Variants in SORL1 observed in about 807,000 individuals in gnomAD.
SORL1 encodes sortilin-related receptor.
Under a neutral mutation model 273.7 loss-of-function variants are expected in SORL1, and 127 were observed. The observed-to-expected ratio is 0.46, with a 90% CI of 0.40 to 0.54. The LOEUF (loss-of-function observed/expected upper bound fraction) is 0.54, where lower values mean the gene tolerates loss of function less well. SORL1 is among the 20% of genes least tolerant of loss of function. The pLI is 0.00. For synonymous variants in SORL1, 1,031 were observed against 1,067.4 expected (o/e 0.97, Z 0.66); for missense variants, 2,494 against 2,846.1 (o/e 0.88, Z 2.81).
chr11:121,522,720 G>A lies in SORL1; in HGVS notation c.1522+17G>A, dbSNP rs1862059134. 3.8e-6 allele frequency: 6 copies of A among 1,589,652 alleles called. No homozygotes were observed. In the East Asian group the frequency reaches 8.9e-5, roughly 24 times the overall value. ...TCGCCACTGGTAAGTGTGCTTGCCT[G>A]TTCTCAAAAGGGGTTCAGCTGTCTG... On this transcript the variant is annotated intron_variant, in intron 10 of 47. Transcript: ENST00000260197.
At chr11:121,537,484 G>A (rs1285612364) in intron 12 of SORL1, among the ~76,000 whole-genome samples, 1 of 152,166 alleles carries the variant, frequency 6.6e-6, no homozygotes, top group Non-Finnish European at 1.5e-5. Flanking sequence ...AGAGGTAAAG[G>A]AGTAGGCTTG....
At position 121,463,258 on chromosome 11, in the gene SORL1, TCA is replaced by T. The variant is rs1491245407; in HGVS notation, c.286-6748_286-6747del. Among the ~76,000 whole-genome samples the T allele has an allele frequency of 1.2e-4, 14 of 116,252 alleles. No individual in the cohort carries two copies. In the Middle Eastern group the frequency reaches 0.016, roughly 129 times the overall value. 76.3% of individuals were successfully genotyped at this position (116,252 alleles called of 152,430 possible). ...ATTCTTTCTGGCTTTGATATTTTCC[TCA>T]TTTTTTTTTTGCCAACTGGTAAATT... On this transcript the variant is annotated intron_variant, in intron 1 of 47. Transcript: ENST00000260197.
intron 25 of SORL1, among the ~76,000 whole-genome samples, chr11:121,582,784 G>A (rs1321673674): frequency 2.0e-5 from 3 of 152,178 alleles, no homozygotes; most frequent in Non-Finnish European, 4.4e-5. Flanking sequence ...TCTTAGGCCT[G>A]CTTTCTTTGT....
At chr11:121,570,332 C>A (rs1008297379) in intron 23 of SORL1, 62 bp downstream of exon 23, 3 of 1,313,204 alleles carry the variant, frequency 2.3e-6, no homozygotes, top group African/African-American at 1.4e-5. Flanking sequence ...TTGGCTCTTC[C>A]CAGGCTGAGG....
At chr11:121,544,886 T>C (rs1266118687) in intron 13 of SORL1, among the ~76,000 whole-genome samples, 1 of 152,066 alleles carries the variant, frequency 6.6e-6, no homozygotes, top group Non-Finnish European at 1.5e-5. Flanking sequence ...TAACCCCCAA[T>C]GGTATTGCTC....
chr11:121,518,491 A>T (rs2134852413), intron 8 of SORL1, among the ~76,000 whole-genome samples: 1 of 152,318 alleles, frequency 6.6e-6, no homozygotes, highest in East Asian at 1.9e-4. Context: ...AACAGGGCTC[A>T]TCTAAATGAG....
At chr11:121,608,477 G>T in intron 38 of SORL1, 1 of 315,148 alleles carries the variant, frequency 3.2e-6, no homozygotes, top group South Asian at 6.0e-5. Flanking sequence ...TAAAATAGAA[G>T]GAGTCCTTCC....
In SORL1 at chr11:121,574,274, G is replaced by A. The variant is rs777830181; in HGVS notation, c.3371G>A (p.Arg1124His). 17 of 1,613,648 alleles carry A rather than the reference G, an allele frequency of 1.1e-5. No homozygotes were observed. The highest frequency in any genetic ancestry group is 1.6e-4 in the Middle Eastern group (1 of 6,082). ...ATCTGTGACCTGGACACCCAGTTTCGTTGCCAGGAGTCTGGGACTTGTATC... is the reference window on the plus strand; with the variant it reads ...ATCTGTGACCTGGACACCCAGTTTCATTGCCAGGAGTCTGGGACTTGTATC... Reference protein sequence around the residue: ...TTICDLDTQFRCQESGTCIPL... With the variant: ...TTICDLDTQFHCQESGTCIPL... Residue 1124 changes from arginine to histidine, a missense_variant, in exon 24 of 48, where the codon CGT becomes CAT. Physicochemically the swap from Arg to His is conservative, Grantham distance 29. Around this residue, in one of 3 missense-constraint regions of SORL1, gnomAD observed 1,609 missense variants for 1,816.4 expected, o/e 0.89. Coordinates refer to ENST00000260197, the MANE Select transcript of SORL1 (RefSeq NM_003105.6).
At chr11:121,599,583 G>T (rs1863354965) in intron 32 of SORL1, among the ~76,000 whole-genome samples, 1 of 152,124 alleles carries the variant, frequency 6.6e-6, no homozygotes, top group Non-Finnish European at 1.5e-5. Flanking sequence ...GATGGTGGGG[G>T]ATATTTTAAT....
At chr11:121,578,022 C>A (rs1319296665) in intron 25 of SORL1, among the ~76,000 whole-genome samples, 1 of 152,064 alleles carries the variant, frequency 6.6e-6, no homozygotes, top group Non-Finnish European at 1.5e-5. Context: ...AGTTGAGAAG[C>A]TTGTGGAGAA....
At chr11:121,545,098 A>G (rs546034) in intron 13 of SORL1, 145 bp from the exon 14 acceptor site, 681,362 of 684,806 alleles carry the variant, frequency 0.99, 339,060 homozygotes, top group East Asian at 1. Flanking sequence ...CAGCTTCAAA[A>G]CAAGCTGATT....
chr11:121,573,886 T>C (rs2134932514), intron 23 of SORL1, among the ~76,000 whole-genome samples: 1 of 152,336 alleles, frequency 6.6e-6, no homozygotes, highest in Admixed American at 6.5e-5. Context: ...AATCGTAGTT[T>C]CATAGATAAA....
chr11:121,589,972 C>T, intron 29 of SORL1, 68 bp from the exon 30 acceptor site: 1 of 1,569,910 alleles, frequency 6.4e-7, no homozygotes, highest in African/African-American at 1.4e-5. Flanking sequence ...AGGAGGATGC[C>T]TAGAGTTGGA....
At chr11:121,607,743 A>G (rs1320025912) in intron 37 of SORL1, among the ~76,000 whole-genome samples, 1 of 152,230 alleles carries the variant, frequency 6.6e-6, no homozygotes, top group Non-Finnish European at 1.5e-5. Flanking sequence ...GAGACCATTA[A>G]GTGTGCACAT....
chr11:121,581,414 G>C (rs1364263115), intron 25 of SORL1, among the ~76,000 whole-genome samples: 1 of 152,138 alleles, frequency 6.6e-6, no homozygotes, highest in African/African-American at 2.4e-5. Context: ...ACTGATGTTA[G>C]ATTTCCACGA....
chr11:121,541,292 C>G (rs1161933012), intron 12 of SORL1, among the ~76,000 whole-genome samples: 1 of 151,728 alleles, frequency 6.6e-6, no homozygotes, highest in Admixed American at 6.6e-5. Context: ...GCCTCACACT[C>G]TTGGACTCAA....
intron 3 of SORL1, among the ~76,000 whole-genome samples, chr11:121,486,879 T>C (rs1435608425): frequency 6.6e-6 from 1 of 152,062 alleles, no homozygotes; most frequent in Non-Finnish European, 1.5e-5. Flanking sequence ...GATGACCTCC[T>C]GAGCCCGGGG....
intron 4 of SORL1, among the ~76,000 whole-genome samples, chr11:121,488,641 T>C (rs1464422002): frequency 6.6e-6 from 1 of 152,204 alleles, no homozygotes; most frequent in Non-Finnish European, 1.5e-5. Flanking sequence ...CCACTAACAG[T>C]AATAGTCTTC....
intron 1 of SORL1, among the ~76,000 whole-genome samples, chr11:121,453,681 G>A (rs977209876): frequency 3.3e-5 from 5 of 152,192 alleles, no homozygotes; most frequent in Non-Finnish European, 5.9e-5. Context: ...GAAATACAGA[G>A]TTAAATGTTC....
Sources: gnomAD v4.1 joint callset for allele counts (sites outside exome capture counted in the v4.1 genomes callset) on GRCh38, gnomAD v4.1.1 for gene constraint, gnomAD v4.1.1 regional missense constraint, MANE v1.5 for transcripts, NCBI Gene and HGNC (gene_info 2026-07-23, HGNC 2026-07-21) for gene names.